Variants in MAD1L1 observed in about 807,000 individuals in gnomAD.
MAD1L1 encodes mitotic spindle assembly checkpoint protein MAD1.
MAD1L1 carries 95 observed loss-of-function variants against 96.9 expected under a neutral mutation model. The ratio of observed to expected loss-of-function variants is 0.98; its 90% confidence interval spans 0.83 to 1.16. The LOEUF (loss-of-function observed/expected upper bound fraction) is 1.16. Among genes scored for constraint, MAD1L1 ranks in the 50% most tolerant of loss-of-function variants. MAD1L1 has a pLI of 0.00. For missense variants in MAD1L1, 1,007 were observed against 954.4 expected (o/e 1.06, Z -0.73); for synonymous variants, 473 against 396.6 (o/e 1.19, Z -2.29).
chr7:1,918,801 C>G (rs1159806526), intron 17 of MAD1L1, among the ~76,000 whole-genome samples: 1 of 152,220 alleles, frequency 6.6e-6, no homozygotes, highest in Admixed American at 6.5e-5. Flanking sequence ...TGCACTTGGG[C>G]CCACCTGAGG....
chr7:2,153,534 C>T (rs1401065950), intron 10 of MAD1L1, among the ~76,000 whole-genome samples: 1 of 151,968 alleles, frequency 6.6e-6, no homozygotes, highest in Non-Finnish European at 1.5e-5. Flanking sequence ...ATAAACAGAC[C>T]AAAAAACACA....
chr7:2,208,907 G>A (rs1378018476), intron 10 of MAD1L1, among the ~76,000 whole-genome samples: 1 of 151,916 alleles, frequency 6.6e-6, no homozygotes, highest in Non-Finnish European at 1.5e-5. Context: ...TCACATCGCT[G>A]CCTCCAGACA....
chr7:1,876,415 C>T (rs1339963346), intron 18 of MAD1L1, among the ~76,000 whole-genome samples: 1 of 152,002 alleles, frequency 6.6e-6, no homozygotes, highest in Non-Finnish European at 1.5e-5. Context: ...CGTCCTCACC[C>T]ACCGAGACCA....
At chr7:2,216,950 G>A (rs1584574568) in intron 7 of MAD1L1, among the ~76,000 whole-genome samples, 2 of 152,076 alleles carry the variant, frequency 1.3e-5, no homozygotes, top group East Asian at 1.9e-4. Context: ...TCTTCCCAGC[G>A]CCGACCTCCC....
chr7:1,887,454 CG>C (rs1562491193), intron 18 of MAD1L1, among the ~76,000 whole-genome samples: 2 of 133,346 alleles, frequency 1.5e-5, no homozygotes, highest in African/African-American at 5.8e-5. Context: ...TCTGTGTGTG[CG>C]TGCACATGTG....
At chr7:1,971,499 T>A (rs528336281) in intron 15 of MAD1L1, among the ~76,000 whole-genome samples, 45 of 152,318 alleles carry the variant, frequency 3.0e-4, no homozygotes, top group Admixed American at 8.5e-4. Context: ...TATGTTATAA[T>A]ATATAGTGGA....
At chr7:1,895,544 GA>G (rs1351667442) in intron 18 of MAD1L1, among the ~76,000 whole-genome samples, 1 of 152,250 alleles carries the variant, frequency 6.6e-6, no homozygotes, top group Admixed American at 6.5e-5. Context: ...CTTCAAGCAT[GA>G]AAACACAGTG....
chr7:2,200,996 G>A (rs201760764), intron 10 of MAD1L1, among the ~76,000 whole-genome samples: 13 of 152,198 alleles, frequency 8.5e-5, no homozygotes, highest in East Asian at 7.7e-4. Flanking sequence ...GGTGGAGGGC[G>A]GGAAGGGTGG....
At chr7:2,208,794 T>A (rs1220526257) in intron 10 of MAD1L1, among the ~76,000 whole-genome samples, 1 of 152,108 alleles carries the variant, frequency 6.6e-6, no homozygotes, top group Non-Finnish European at 1.5e-5. Flanking sequence ...CCCGAGGTCT[T>A]GCCGAGGATG....
intron 11 of MAD1L1, among the ~76,000 whole-genome samples, chr7:2,101,583 G>T (rs1451234298): frequency 1.3e-5 from 2 of 151,970 alleles, no homozygotes; most frequent in African/African-American, 2.4e-5. Flanking sequence ...CTCCTAAAGG[G>T]TCTCCATCCG....
chr7:1,851,092 A>G (rs1056924475), intron 18 of MAD1L1, among the ~76,000 whole-genome samples: 4 of 152,254 alleles, frequency 2.6e-5, no homozygotes, highest in Admixed American at 2.0e-4. Context: ...CCCACAGGCC[A>G]CAAGCGTCTG....
intron 18 of MAD1L1, among the ~76,000 whole-genome samples, chr7:1,866,244 GC>G (rs1285765967): frequency 6.6e-6 from 1 of 151,942 alleles, no homozygotes; most frequent in East Asian, 1.9e-4. Flanking sequence ...GGTTGGTGGT[GC>G]AGAGCCCGGG....
chr7:1,949,426 C>G (rs1022143270), intron 16 of MAD1L1, among the ~76,000 whole-genome samples: 2 of 152,232 alleles, frequency 1.3e-5, no homozygotes, highest in Admixed American at 1.3e-4. Flanking sequence ...AACTCCATCC[C>G]TGTCTGAGGA....
intron 11 of MAD1L1, among the ~76,000 whole-genome samples, chr7:2,125,214 G>A (rs1164273279): frequency 6.6e-6 from 1 of 152,216 alleles, no homozygotes; most frequent in African/African-American, 2.4e-5. Context: ...ACTGTTGCCA[G>A]GTGCACTCCA....
intron 16 of MAD1L1, among the ~76,000 whole-genome samples, chr7:1,941,147 G>A (rs1301566580): frequency 1.3e-5 from 2 of 152,244 alleles, no homozygotes; most frequent in Non-Finnish European, 2.9e-5. Flanking sequence ...GGACTTGCAG[G>A]AGGGGTCGGG....
chr7:1,999,278 C>T (rs1031140572), intron 14 of MAD1L1, among the ~76,000 whole-genome samples: 3 of 152,136 alleles, frequency 2.0e-5, no homozygotes, highest in African/African-American at 7.2e-5. Flanking sequence ...ATTTCTACAG[C>T]CTAAAGAAAA....
chr7:1,942,251 G>A (rs913545623), intron 16 of MAD1L1, among the ~76,000 whole-genome samples: 1 of 152,164 alleles, frequency 6.6e-6, no homozygotes, highest in African/African-American at 2.4e-5. Flanking sequence ...CTCAGCAAGT[G>A]GAGGGGACAT....
intron 11 of MAD1L1, among the ~76,000 whole-genome samples, chr7:2,122,262 G>A (rs1181416404): frequency 6.6e-6 from 1 of 152,214 alleles, no homozygotes; most frequent in African/African-American, 2.4e-5. Flanking sequence ...TCCACCTCGT[G>A]TGCCTTGCCT....
At chr7:1,924,959 T>C (rs1399449899) in intron 17 of MAD1L1, among the ~76,000 whole-genome samples, 1 of 151,424 alleles carries the variant, frequency 6.6e-6, no homozygotes, top group Non-Finnish European at 1.5e-5. Flanking sequence ...AGTATACAAA[T>C]AGATATAATA....
Sources: gnomAD v4.1 joint callset for allele counts (sites outside exome capture counted in the v4.1 genomes callset) on GRCh38, gnomAD v4.1.1 for gene constraint, MANE v1.5 for transcripts, NCBI Gene and HGNC (gene_info 2026-07-23, HGNC 2026-07-21) for gene names.